EFCAB3: variants seen among roughly 807,000 people sequenced by gnomAD.
EFCAB3 encodes EF-hand calcium-binding domain-containing protein 3.
A neutral mutation model predicts 42.2 loss-of-function variants in EFCAB3; 36 were observed. The observed-to-expected ratio is 0.85, with a 90% confidence interval of 0.65 to 1.13. The LOEUF is 1.13. EFCAB3 is among the 50% of genes most tolerant of loss of function. The pLI, the probability that EFCAB3 is intolerant of heterozygous loss-of-function variation, is 0.00. For missense variants in EFCAB3, 418 were observed against 505.1 expected (o/e 0.83, Z 1.65); for synonymous variants, 170 against 172.8 (o/e 0.98, Z 0.13).
intron 6 of EFCAB3, among the ~76,000 whole-genome samples, chr17:62,401,538 A>C (rs556607455): frequency 2.5e-4 from 38 of 152,290 alleles, no homozygotes; most frequent in African/African-American, 7.7e-4. Flanking sequence ...CCATTTATTA[A>C]ATAGGGAATC....
Position 62,416,103 on chromosome 17 carries a change from T to C in EFCAB3, c.1091T>C (p.Met364Thr). ...AAGATCCGAGGGGATTTGATTGGGA[T>C]GGACTCTAGAAATGAGTCCTTTTAT... The part of the protein sequence containing the change: ...WQKIRGDLIG[M>T]DSRNESFYDT... Residue 364 changes from methionine to threonine, a missense_variant, in exon 10 of 10, where the codon ATG becomes ACG. Coordinates refer to ENST00000305286, the MANE Select transcript of EFCAB3 (RefSeq NM_173503.4). 6.2e-7 allele frequency: 1 copy of C among 1,614,012 alleles called. No individual in the cohort carries two copies. The highest frequency in any genetic ancestry group is 8.5e-7 in the Non-Finnish European group (1 of 1,179,870).
At chr17:62,393,398 A>AG (rs2070321140) in intron 4 of EFCAB3, among the ~76,000 whole-genome samples, 175 bp from the exon 5 acceptor site, 1 of 152,166 alleles carries the variant, frequency 6.6e-6, no homozygotes, top group Admixed American at 6.5e-5. Flanking sequence ...GACTGATGTA[A>AG]TGGTGCTAAG....
intron 3 of EFCAB3, among the ~76,000 whole-genome samples, chr17:62,390,337 A>G (rs1438811405): frequency 6.6e-6 from 1 of 152,212 alleles, no homozygotes; most frequent in African/African-American, 2.4e-5. Flanking sequence ...GGCTCTGGGT[A>G]AGAGCATACA....
intron 8 of EFCAB3, 34 bp downstream of exon 8, chr17:62,407,246 C>G: frequency 6.8e-7 from 1 of 1,480,542 alleles, no homozygotes; most frequent in Non-Finnish European, 9.0e-7. Flanking sequence ...TAGTTAAATA[C>G]TTGGATTTTT....
At chr17:62,378,889 G>A (rs1298781254), upstream of EFCAB3, among the ~76,000 whole-genome samples, 6 of 150,472 alleles carry the variant, frequency 4.0e-5, no homozygotes, top group Admixed American at 2.0e-4. Context: ...AAACCTGCAC[G>A]TTCTGCACAT....
chr17:62,409,350 T>A (rs1260580411), intron 8 of EFCAB3, among the ~76,000 whole-genome samples: 1 of 151,908 alleles, frequency 6.6e-6, no homozygotes, highest in Non-Finnish European at 1.5e-5. Flanking sequence ...AGCCACCACG[T>A]TTGGCCAATA....
intron 1 of EFCAB3, among the ~76,000 whole-genome samples, chr17:62,373,174 G>A (rs2070126205): frequency 6.6e-6 from 1 of 151,892 alleles, no homozygotes; most frequent in South Asian, 2.1e-4. Flanking sequence ...CAGCTACTTG[G>A]GAGTCTGAGG....
At chr17:62,381,973 C>A in intron 1 of EFCAB3, 1 of 285,934 alleles carries the variant, frequency 3.5e-6, no homozygotes, top group South Asian at 3.8e-5. Flanking sequence ...AGGAGGTGTC[C>A]AAAGAGTCAG....
At chr17:62,381,965 G>C in intron 1 of EFCAB3, 2 of 293,418 alleles carry the variant, frequency 6.8e-6, no homozygotes, top group Non-Finnish European at 7.1e-6. Flanking sequence ...GGAGGAGGAG[G>C]AGGTGTCCAA....
In EFCAB3 at chr17:62,370,666, AAAG is replaced by A. The variant is rs373850971; in HGVS notation, c.34+351_34+353del. ...AGCGAAACTCTGTCTCAAAAAAAAA[AAAG>A]AAGAAGTGTACTTTTGTCATCCTGT... On this transcript the variant is annotated intron_variant, in intron 1 of 11. Transcript: ENST00000450662. 2.3e-3 allele frequency among the ~76,000 whole-genome samples: 342 copies of A among 151,852 alleles called. 3 individuals are homozygous for A. In the South Asian group the frequency reaches 0.027, roughly 12 times the overall value.
upstream of EFCAB3, among the ~76,000 whole-genome samples, chr17:62,379,115 T>C (rs564842372): frequency 6.6e-6 from 1 of 152,126 alleles, no homozygotes; most frequent in East Asian, 1.9e-4. Flanking sequence ...CCAAAATATA[T>C]AAAGAATGCT....
upstream of EFCAB3, among the ~76,000 whole-genome samples, chr17:62,380,205 T>C (rs1388482501): frequency 6.6e-5 from 10 of 152,170 alleles, no homozygotes. Context: ...GTTTCATCAT[T>C]TGGCCAGGCT....
intron 4 of EFCAB3, among the ~76,000 whole-genome samples, chr17:62,392,783 G>GCCCGCCACCATGCC (rs1389144138): frequency 6.6e-6 from 1 of 151,900 alleles, no homozygotes; most frequent in Non-Finnish European, 1.5e-5. Flanking sequence ...GACTACAGGC[G>GCCCGCCACCATGCC]CCCGCCACCA....
chr17:62,395,316 C>A, intron 6 of EFCAB3, 128 bp downstream of exon 6: 2 of 1,198,902 alleles, frequency 1.7e-6, no homozygotes, highest in Non-Finnish European at 1.2e-6. Flanking sequence ...AAGAAGGTAT[C>A]TGGGCAAATG....
chr17:62,374,376 G>A (rs1043137360), intron 2 of EFCAB3, among the ~76,000 whole-genome samples: 17 of 152,076 alleles, frequency 1.1e-4, no homozygotes, highest in Non-Finnish European at 5.9e-5. Context: ...CAGGAGAATC[G>A]CTTGAACCTG....
At chr17:62,382,467 T>C (rs1366682150) in intron 1 of EFCAB3, among the ~76,000 whole-genome samples, 1 of 152,160 alleles carries the variant, frequency 6.6e-6, no homozygotes, top group Non-Finnish European at 1.5e-5. Context: ...TCTAATCTCT[T>C]AGCAAATTTC....
chr17:62,403,997 C>T (rs906125647), intron 6 of EFCAB3, among the ~76,000 whole-genome samples: 10 of 152,142 alleles, frequency 6.6e-5, no homozygotes, highest in Non-Finnish European at 7.4e-5. Flanking sequence ...ACATTTAACT[C>T]GGGTCCTCAA....
chr17:62,392,227 A>G (rs2070309381), intron 4 of EFCAB3, among the ~76,000 whole-genome samples: 1 of 150,672 alleles, frequency 6.6e-6, no homozygotes, highest in South Asian at 2.1e-4. Context: ...ATATGTATAT[A>G]TCCATATATC....
upstream of EFCAB3, chr17:62,380,413 C>G (rs2070186536): frequency 5.1e-6 from 1 of 195,754 alleles, no homozygotes; most frequent in Non-Finnish European, 9.3e-6. Context: ...AAATCATACC[C>G]TCATATACAC....
Sources: gnomAD v4.1 joint callset for allele counts (sites outside exome capture counted in the v4.1 genomes callset) on GRCh38, gnomAD v4.1.1 for gene constraint, MANE v1.5 for transcripts, NCBI Gene and HGNC (gene_info 2026-07-23, HGNC 2026-07-21) for gene names.